Variants in GUCY1A2 observed in about 807,000 individuals in gnomAD.
GUCY1A2 encodes guanylate cyclase soluble subunit alpha-2.
Under a neutral mutation model 63.5 loss-of-function variants are expected in GUCY1A2, and 27 were observed. That is an observed-to-expected ratio of 0.43 (90% CI 0.31 to 0.59). The LOEUF (loss-of-function observed/expected upper bound fraction) is 0.59, where lower values mean the gene tolerates loss of function less well. Ranked by LOEUF, GUCY1A2 falls within the 20% of genes least tolerant of loss-of-function variation. The pLI, the probability that GUCY1A2 is intolerant of heterozygous loss-of-function variation, is 0.11. For synonymous variants in GUCY1A2, 364 were observed against 343.5 expected (o/e 1.06, Z -0.66); for missense variants, 768 against 913.3 (o/e 0.84, Z 2.05).
intron 6 of GUCY1A2, among the ~76,000 whole-genome samples, chr11:106,720,017 C>T (rs1007308175): frequency 6.6e-6 from 1 of 152,140 alleles, no homozygotes; most frequent in African/African-American, 2.4e-5. Context: ...ATTTTGCTCC[C>T]AGGACACTGA....
At chr11:106,822,156 T>C (rs1237131406) in intron 4 of GUCY1A2, among the ~76,000 whole-genome samples, 1 of 152,194 alleles carries the variant, frequency 6.6e-6, no homozygotes, top group Admixed American at 6.5e-5. Flanking sequence ...GCTTAGTCTA[T>C]GGCTAAAGAA....
chr11:107,018,139 C>G lies in GUCY1A2; in HGVS notation c.-84G>C. 1 of 907,544 alleles carries G rather than the reference C, an allele frequency of 1.1e-6. No homozygotes were observed. The highest frequency in any genetic ancestry group is 1.5e-6 in the Non-Finnish European group (1 of 678,854). The allele number at this position is 907,544 out of a possible 1,614,324, so 56.2% of individuals were successfully genotyped here. A position where few individuals can be genotyped will look rare whatever the true frequency, so the allele number is the denominator to read the frequency against. ...AGGCGGCGGTGGCGGGACCGGCAAG[C>G]GACAACGTTAAGCGCGTCGGGGCCG... On this transcript the variant is annotated 5_prime_UTR_variant, in exon 1 of 8. Transcript: ENST00000526355.
chr11:106,982,712 TAAGA>T (rs1300061256), intron 2 of GUCY1A2, among the ~76,000 whole-genome samples: 1 of 151,926 alleles, frequency 6.6e-6, no homozygotes, highest in Non-Finnish European at 1.5e-5. Flanking sequence ...GAGCATTGCA[TAAGA>T]ATGAAACGAT....
rs917001645 is a variant in GUCY1A2, at chr11:106,679,726, T to C, written c.*7823A>G. 4.5e-6 allele frequency: 1 copy of C among 220,038 alleles called. No homozygotes were observed. Among genetic ancestry groups the C allele is most frequent in the Non-Finnish European group, 9.1e-6 (1 of 109,682 alleles). 13.6% of individuals were successfully genotyped at this position (220,038 alleles called of 1,614,324 possible). On this transcript the variant is annotated 3_prime_UTR_variant, in exon 8 of 8. Coordinates refer to ENST00000526355, the MANE Select transcript of GUCY1A2 (RefSeq NM_000855.3). ...TTCTATGCTAATTTTAGCAGGGTTTTCTGTGGCATATGGCAGAGCTGGTAT... is the reference window on the plus strand; with the variant it reads ...TTCTATGCTAATTTTAGCAGGGTTTCCTGTGGCATATGGCAGAGCTGGTAT...
In GUCY1A2 at chr11:106,957,187, C is replaced by G. The variant is rs565662632; in HGVS notation, c.488-17009G>C. On this transcript the variant is annotated intron_variant, in intron 3 of 7. Transcript: ENST00000526355. ...GGAGCTATAGAAATGGGTGTGCCCA[C>G]CCTGCCCAGGGAGCTTAGTGTGTTA... Among the ~76,000 whole-genome samples the G allele has an allele frequency of 2.5e-4, 38 of 152,256 alleles. 1 individual carries two copies. In the South Asian group the frequency reaches 7.7e-3, roughly 31 times the overall value.
In GUCY1A2 at chr11:106,875,606, C is replaced by T. The variant is rs1187890019; in HGVS notation, c.1206+63854G>A. On this transcript the variant is annotated intron_variant, in intron 4 of 7. Transcript: ENST00000526355. ...TCAGCAGTCCCAAACTTAAGATTTA[C>T]CAGCTTATCCACCTCAGTAGAGAGT... Among the ~76,000 whole-genome samples the T allele has an allele frequency of 7.2e-5, 11 of 152,068 alleles. No individual in the cohort carries two copies. In the East Asian group the frequency reaches 1.7e-3, roughly 24 times the overall value.
At chr11:106,716,032 T>G (rs1863207133) in intron 6 of GUCY1A2, among the ~76,000 whole-genome samples, 1 of 152,082 alleles carries the variant, frequency 6.6e-6, no homozygotes, top group African/African-American at 2.4e-5. Flanking sequence ...TTGGCTAGGT[T>G]TGGAAAGAAT....
At chr11:106,879,882 G>A (rs191669222) in intron 4 of GUCY1A2, among the ~76,000 whole-genome samples, 8 of 152,134 alleles carry the variant, frequency 5.3e-5, no homozygotes, top group African/African-American at 1.9e-4. Context: ...AACTGTCTAC[G>A]TCCATTAAGG....
At position 106,754,749 on chromosome 11, in the gene GUCY1A2, T is replaced by C. The variant is rs558737508; in HGVS notation, c.1836+21690A>G. ...AAGCTTTTTGATGTGCTGCTGGATTTGGTTTGCCAGTATTTTATTGAGGAT... is the reference window on the plus strand; with the variant it reads ...AAGCTTTTTGATGTGCTGCTGGATTCGGTTTGCCAGTATTTTATTGAGGAT... On this transcript the variant is annotated intron_variant, in intron 6 of 7. Coordinates refer to ENST00000526355, the MANE Select transcript of GUCY1A2 (RefSeq NM_000855.3). Among the ~76,000 whole-genome samples the C allele has an allele frequency of 3.3e-5, 5 of 152,302 alleles. No homozygotes were observed. In the South Asian group the frequency reaches 1.0e-3, roughly 32 times the overall value.
intron 7 of GUCY1A2, among the ~76,000 whole-genome samples, chr11:106,700,242 T>G (rs1159123489): frequency 1.3e-5 from 2 of 152,174 alleles, no homozygotes; most frequent in Admixed American, 1.3e-4. Context: ...TATATTCTGA[T>G]TTTTAAAGAC....
intron 6 of GUCY1A2, among the ~76,000 whole-genome samples, chr11:106,720,319 G>C (rs752248201): frequency 6.6e-6 from 1 of 152,136 alleles, no homozygotes; most frequent in African/African-American, 2.4e-5. Context: ...AAAGGCAAAC[G>C]ACTTTGTCTT....
At chr11:106,843,458 C>T (rs1195622823) in intron 4 of GUCY1A2, among the ~76,000 whole-genome samples, 1 of 151,544 alleles carries the variant, frequency 6.6e-6, no homozygotes, top group Non-Finnish European at 1.5e-5. Flanking sequence ...CTGAAAGGCA[C>T]AGAAATATAC....
chr11:106,812,395 A>G (rs570005251), intron 4 of GUCY1A2, among the ~76,000 whole-genome samples: 2 of 145,574 alleles, frequency 1.4e-5, no homozygotes, highest in East Asian at 4.1e-4. Flanking sequence ...CACTTTTTTC[A>G]CCCTCCTCTC....
At position 106,939,637 on chromosome 11, in the gene GUCY1A2, C is replaced by T; in HGVS notation, c.1029G>A (p.Gly343=). The change falls in exon 4 of 8, where the codon GGG becomes GGA. Residue 343 remains glycine, a synonymous_variant. Transcript: ENST00000526355. Reference sequence around the variant, plus strand: ...ATCGAAGCTGCTTCCTTAGACCTTCCCCCAACTGAAGGACTGACATGCTGG... The same window carrying T: ...ATCGAAGCTGCTTCCTTAGACCTTCTCCCAACTGAAGGACTGACATGCTGG... The part of the protein sequence containing the change: ...FDPSMSVLQL[G]EGLRKQLRCD... 1 of 1,613,890 alleles carries T rather than the reference C, an allele frequency of 6.2e-7. No individual in the cohort carries two copies. The highest frequency in any genetic ancestry group is 8.5e-7 in the Non-Finnish European group (1 of 1,179,860).
At chr11:106,826,877 G>A (rs933925139) in intron 4 of GUCY1A2, 34 of 1,606,152 alleles carry the variant, frequency 2.1e-5, no homozygotes, top group Non-Finnish European at 2.8e-5. Flanking sequence ...TCCACTTTCA[G>A]GCCACCATCT....
At chr11:106,802,126 A>C (rs887478130) in intron 5 of GUCY1A2, among the ~76,000 whole-genome samples, 2 of 152,204 alleles carry the variant, frequency 1.3e-5, no homozygotes, top group African/African-American at 4.8e-5. Flanking sequence ...TTAAAAAGGT[A>C]ATAGAAACAC....
intron 5 of GUCY1A2, among the ~76,000 whole-genome samples, chr11:106,789,304 T>G (rs1183132840): frequency 6.6e-6 from 1 of 152,218 alleles, no homozygotes; most frequent in Non-Finnish European, 1.5e-5. Context: ...GTCAATTACA[T>G]TTTTCAATTT....
At chr11:106,821,228 T>A (rs574547437) in intron 4 of GUCY1A2, among the ~76,000 whole-genome samples, 2 of 152,322 alleles carry the variant, frequency 1.3e-5, no homozygotes, top group African/African-American at 4.8e-5. Context: ...AATGTTTATG[T>A]TTTGCTTTTA....
chr11:106,854,996 T>C (rs1203498639), intron 4 of GUCY1A2, among the ~76,000 whole-genome samples: 1 of 152,084 alleles, frequency 6.6e-6, no homozygotes, highest in East Asian at 1.9e-4. Flanking sequence ...GTTGCAGCTT[T>C]CTAGGTGAAT....
Sources: allele counts gnomAD v4.1 joint callset (sites outside exome capture counted in the v4.1 genomes callset), GRCh38; gene constraint gnomAD v4.1.1; transcripts MANE v1.5; gene names NCBI Gene and HGNC (gene_info 2026-07-23, HGNC 2026-07-21).